Variants in MAN1B1 observed in about 807,000 individuals in gnomAD.
MAN1B1 encodes the protein mannosidase alpha class 1B member 1.
MAN1B1 carries 66 observed loss-of-function variants against 75.5 expected under a neutral mutation model. The observed-to-expected ratio is 0.87, with a 90% CI of 0.72 to 1.07. MAN1B1 has a LOEUF of 1.07. Among genes scored for constraint, MAN1B1 ranks in the 50% least tolerant of loss-of-function variants. MAN1B1 has a pLI of 0.00. For synonymous variants in MAN1B1, 453 were observed against 382.8 expected (o/e 1.18, Z -2.14); for missense variants, 973 against 912.5 (o/e 1.07, Z -0.85).
chr9:137,107,649 G>A lies in MAN1B1; in HGVS notation c.1883G>A (p.Ser628Asn), dbSNP rs797045687. Residue 628 changes from serine (S) to asparagine (N), a missense_variant, in exon 12 of 13, where the codon AGC becomes AAC. Transcript: ENST00000371589. ...DWGWEILQSFSRFTRVPSGGY... is the reference protein window; with the variant it reads ...DWGWEILQSFNRFTRVPSGGY... ...GGCTGGGAGATTCTGCAGAGCTTCA[G>A]CCGATTCACACGGGTGAGCACCTGT... 6.2e-7 allele frequency: 1 copy of A among 1,609,732 alleles called. No homozygotes were observed. Among genetic ancestry groups the A allele is most frequent in the Non-Finnish European group, 8.5e-7 (1 of 1,179,954 alleles).
rs1204935767 is a variant in MAN1B1 at position 137,103,022 on chromosome 9, CGGT to C, written c.1254+1355_1254+1357del. ...TTCATACTGTTGCAGGCGTGCAGGT[CGGT>C]GGTGTTACATTCACACTGTTGCAGG... On this transcript the variant is annotated intron_variant, in intron 8 of 12. Transcript: ENST00000371589. The C allele has an allele frequency of 1.3e-3, 543 of 419,296 alleles. 1 individual carries two copies. The highest frequency in any genetic ancestry group is 1.8e-3 in the Non-Finnish European group (383 of 218,296). The allele number at this position is 419,296 out of a possible 1,614,324, so 26.0% of individuals were successfully genotyped here.
At chr9:137,097,486 C>T (rs1349136477) in intron 4 of MAN1B1, among the ~76,000 whole-genome samples, 1 of 152,342 alleles carries the variant, frequency 6.6e-6, no homozygotes, top group East Asian at 1.9e-4. Flanking sequence ...GGCCACCTCA[C>T]TGTCACTAGT....
intron 4 of MAN1B1, 31 bp downstream of exon 4, chr9:137,096,422 C>T (rs761549375): frequency 8.9e-5 from 144 of 1,609,750 alleles, no homozygotes; most frequent in Non-Finnish European, 1.1e-4. Context: ...TGCACGCCGC[C>T]GCTCAGGGCT....
At chr9:137,091,775 C>A (rs964575239) in intron 3 of MAN1B1, among the ~76,000 whole-genome samples, 6 of 152,088 alleles carry the variant, frequency 3.9e-5, no homozygotes, top group African/African-American at 1.2e-4. Flanking sequence ...ATCTGCCCGC[C>A]TCAGCCTCCC....
intron 3 of MAN1B1, among the ~76,000 whole-genome samples, chr9:137,091,414 C>T (rs1830508786): frequency 6.6e-6 from 1 of 152,070 alleles, no homozygotes; most frequent in South Asian, 2.1e-4. Context: ...CTCTCCTGTT[C>T]AGACCCTGGC....
At chr9:137,091,684 G>A (rs1335118255) in intron 3 of MAN1B1, among the ~76,000 whole-genome samples, 7 of 151,866 alleles carry the variant, frequency 4.6e-5, no homozygotes, top group African/African-American at 1.7e-4. Context: ...CCGCCACCAC[G>A]CCCGGCTAAT....
Position 137,107,658 on chromosome 9 carries a change from C to T in MAN1B1, c.1892C>T (p.Thr631Ile). The change falls in exon 12 of 13, where the codon ACA becomes ATA. Residue 631 changes from threonine to isoleucine, a missense_variant. Coordinates refer to ENST00000371589, the MANE Select transcript of MAN1B1 (RefSeq NM_016219.5). ...WEILQSFSRF[T>I]RVPSGGYSSI... The stretch of plus-strand genomic sequence containing the variant: ...ATTCTGCAGAGCTTCAGCCGATTCA[C>T]ACGGGTGAGCACCTGTCCTCGCCCC... 2 of 1,609,606 alleles carry T rather than the reference C, an allele frequency of 1.2e-6. No homozygotes were observed. Among genetic ancestry groups the T allele is most frequent in the Non-Finnish European group, 1.7e-6 (2 of 1,179,940 alleles).
At position 137,086,988 on chromosome 9, in the gene MAN1B1, G is replaced by C; in HGVS notation, c.-12G>C. 1.3e-6 allele frequency: 2 copies of C among 1,583,278 alleles called. No individual in the cohort carries two copies. Among genetic ancestry groups the C allele is most frequent in the Non-Finnish European group, 1.7e-6 (2 of 1,166,844 alleles). On this transcript the variant is annotated 5_prime_UTR_variant, in exon 1 of 13. Coordinates refer to ENST00000371589, the MANE Select transcript of MAN1B1 (RefSeq NM_016219.5). ...GTATCCGTGTGATGGGCGGGCTGTT[G>C]ACGGCGCTGCGATGGCTGCCTGCGA...
chr9:137,087,876 G>T (rs921370835), intron 1 of MAN1B1, among the ~76,000 whole-genome samples, 199 bp from the exon 2 acceptor site: 1 of 152,088 alleles, frequency 6.6e-6, no homozygotes, highest in Non-Finnish European at 1.5e-5. Context: ...GGCCGGGCAC[G>T]GTGGCTCATC....
intron 5 of MAN1B1, 149 bp from the exon 6 acceptor site, chr9:137,099,547 G>C: frequency 1.2e-6 from 1 of 829,172 alleles, no homozygotes; most frequent in East Asian, 2.5e-5. Flanking sequence ...CCTGGCCTTT[G>C]CTGTGCCCAC....
intron 9 of MAN1B1, 31 bp downstream of exon 9, chr9:137,106,346 G>A (rs1409519289): frequency 2.4e-5 from 37 of 1,536,666 alleles, no homozygotes; most frequent in Admixed American, 1.2e-4. Flanking sequence ...CCCAGCTCCC[G>A]CGGCTCCCCC....
chr9:137,100,088 C>T (rs1356267653), intron 6 of MAN1B1, among the ~76,000 whole-genome samples: 2 of 152,246 alleles, frequency 1.3e-5, no homozygotes, highest in Non-Finnish European at 2.9e-5. Context: ...CCGCTGTCCC[C>T]AGACCTCTGC....
intron 4 of MAN1B1, 150 bp downstream of exon 4, chr9:137,096,541 A>G: frequency 8.6e-7 from 1 of 1,167,404 alleles, no homozygotes; most frequent in Non-Finnish European, 1.2e-6. Flanking sequence ...CTTAGATTAC[A>G]GAATCGAATT....
rs1252546474 is a variant in MAN1B1 at position 137,107,523 on chromosome 9, G to T, written c.1765-8G>T. 1 of 1,612,844 alleles carries T rather than the reference G, an allele frequency of 6.2e-7. No individual in the cohort carries two copies. Among genetic ancestry groups the T allele is most frequent in the South Asian group, 1.1e-5 (1 of 91,074 alleles). ...CTGGCCTTGCCCTGAGCTCTGCTCCGCCCACAGCCAGCAGACAGGCACAAC... is the reference window on the plus strand; with the variant it reads ...CTGGCCTTGCCCTGAGCTCTGCTCCTCCCACAGCCAGCAGACAGGCACAAC... On this transcript the variant is annotated splice_region_variant and splice_polypyrimidine_tract_variant and intron_variant, in intron 11 of 12. Coordinates refer to ENST00000371589, the MANE Select transcript of MAN1B1 (RefSeq NM_016219.5).
rs753917655 is a variant in MAN1B1 at position 137,107,670 on chromosome 9, C to T, written c.1896+8C>T. The T allele has an allele frequency of 3.1e-6, 5 of 1,609,498 alleles. No individual in the cohort carries two copies. The highest frequency in any genetic ancestry group is 2.7e-5 in the African/African-American group (2 of 74,934). ...TTCAGCCGATTCACACGGGTGAGCA[C>T]CTGTCCTCGCCCCGCGTGGTCACGG... On this transcript the variant is annotated splice_region_variant and intron_variant, in intron 12 of 12. Transcript: ENST00000371589.
chr9:137,098,325 G>A (rs1226795936), intron 5 of MAN1B1, among the ~76,000 whole-genome samples: 1 of 152,232 alleles, frequency 6.6e-6, no homozygotes, highest in Non-Finnish European at 1.5e-5. Flanking sequence ...CTTCGGCCAA[G>A]CTCAGTGCAT....
intron 10 of MAN1B1, 120 bp downstream of exon 10, chr9:137,106,929 G>C: frequency 7.2e-7 from 1 of 1,386,812 alleles, no homozygotes; most frequent in Non-Finnish European, 9.8e-7. Context: ...GAGGCCCTGG[G>C]TGGACCGTGG....
intron 10 of MAN1B1, among the ~76,000 whole-genome samples, chr9:137,107,014 A>C (rs904509695): frequency 2.0e-5 from 3 of 152,184 alleles, no homozygotes. Flanking sequence ...GGGCTTCCCC[A>C]GGGCAGCTCC....
chr9:137,097,740 C>T, intron 4 of MAN1B1, 88 bp from the exon 5 acceptor site: 1 of 1,026,106 alleles, frequency 9.7e-7, no homozygotes, highest in Non-Finnish European at 1.5e-6. Context: ...CAGGGCTGTG[C>T]CTTGGCCGTG....
Sources: gnomAD v4.1 joint callset for allele counts (sites outside exome capture counted in the v4.1 genomes callset) on GRCh38, gnomAD v4.1.1 for gene constraint, MANE v1.5 for transcripts, NCBI Gene and HGNC (gene_info 2026-07-23, HGNC 2026-07-21) for gene names.